Variants in UBR1 observed in about 807,000 individuals in gnomAD.
UBR1 encodes E3 ubiquitin-protein ligase UBR1.
Under a neutral mutation model 242.1 loss-of-function variants are expected in UBR1, and 102 were observed. The ratio of observed to expected loss-of-function variants is 0.42; its 90% CI spans 0.36 to 0.50. The LOEUF (loss-of-function observed/expected upper bound fraction) is 0.50. Among genes scored for constraint, UBR1 ranks in the 20% least tolerant of loss-of-function variants. The pLI is 0.01. For synonymous variants in UBR1, 675 were observed against 684.8 expected (o/e 0.99, Z 0.22); for missense variants, 1,772 against 2,101.8 (o/e 0.84, Z 3.07).
At chr15:42,991,148 T>C (rs8031245) in intron 33 of UBR1, among the ~76,000 whole-genome samples, 151,819 of 151,826 alleles carry the variant, frequency 1, 75,906 homozygotes, top group Middle Eastern at 1. Flanking sequence ...TGGTGGCGGG[T>C]GCCTGTAATC....
intron 6 of UBR1, among the ~76,000 whole-genome samples, chr15:43,063,300 G>C (rs1460124693): frequency 1.3e-5 from 2 of 152,126 alleles, no homozygotes; most frequent in African/African-American, 4.8e-5. Flanking sequence ...AGATCTTTCC[G>C]TTCCATATGA....
At chr15:43,031,492 C>T (rs2141311904) in intron 20 of UBR1, among the ~76,000 whole-genome samples, 1 of 152,298 alleles carries the variant, frequency 6.6e-6, no homozygotes, top group Non-Finnish European at 1.5e-5. Flanking sequence ...CCATCTGTTT[C>T]TAACTGGCAT....
At chr15:43,093,936 T>C (rs1328987706) in intron 1 of UBR1, among the ~76,000 whole-genome samples, 1 of 151,964 alleles carries the variant, frequency 6.6e-6, no homozygotes, top group Non-Finnish European at 1.5e-5. Context: ...TGAAGATAAC[T>C]ATTACGTCTC....
At position 43,015,288 on chromosome 15, in the gene UBR1, T is replaced by C. The variant is rs545400946; in HGVS notation, c.3209+400A>G. Among the ~76,000 whole-genome samples the C allele has an allele frequency of 1.7e-4, 26 of 152,294 alleles. No homozygotes were observed. The East Asian group carries it at 4.0e-3, about 24-fold the overall frequency. ...TAGACATGGGAGACTTTTCATTTTG[T>C]TCTGTACTAAGAAAAATTCTTCTGC... On this transcript the variant is annotated intron_variant, in intron 29 of 46. Transcript: ENST00000290650.
chr15:43,086,007 A>T lies in UBR1; in HGVS notation c.315T>A (p.Ser105Arg). 6.2e-7 allele frequency: 1 copy of T among 1,613,830 alleles called. No individual in the cohort carries two copies. The highest frequency in any genetic ancestry group is 8.5e-7 in the Non-Finnish European group (1 of 1,179,972). The change falls in exon 2 of 47, where the codon AGT becomes AGA. Residue 105 changes from serine to arginine, a missense_variant. This residue lies in a region of UBR1 where 734 missense variants were observed against 893.3 expected (regional missense o/e 0.82). Transcript: ENST00000290650. ...AFQLCGRVFKSGETTYSCRDC... is the reference protein window; with the variant it reads ...AFQLCGRVFKRGETTYSCRDC... Reference sequence around the variant, plus strand: ...ACCTGCAAGAATAGGTTGTCTCTCCACTTTTGAAAACCCTCCCACAAAGCT... The same window carrying T: ...ACCTGCAAGAATAGGTTGTCTCTCCTCTTTTGAAAACCCTCCCACAAAGCT...
At chr15:43,075,233 C>A in intron 3 of UBR1, 144 bp from the exon 4 acceptor site, 1 of 758,548 alleles carries the variant, frequency 1.3e-6, no homozygotes, top group Non-Finnish European at 2.3e-6. Flanking sequence ...GTAACAAAAA[C>A]CATTTTCGAT....
chr15:42,950,439 A>AT, intron 45 of UBR1, 76 bp from the exon 46 acceptor site: 1 of 1,306,766 alleles, frequency 7.7e-7, no homozygotes, highest in Non-Finnish European at 1.1e-6. Flanking sequence ...ATGTTAACCT[A>AT]GAGAAAAGAC....
chr15:43,102,524 G>A (rs993073457), intron 1 of UBR1, among the ~76,000 whole-genome samples: 2 of 152,204 alleles, frequency 1.3e-5, no homozygotes, highest in Non-Finnish European at 2.9e-5. Flanking sequence ...CAATAGAAAA[G>A]AGCTGAGTAT....
chr15:42,988,950 C>T lies in UBR1; in HGVS notation c.3866G>A (p.Ser1289Asn), dbSNP rs564247521. Residue 1289 changes from serine (S) to asparagine (N), a missense_variant, in exon 35 of 47, where the codon AGC becomes AAC. Transcript: ENST00000290650. The stretch of plus-strand genomic sequence containing the variant: ...AAAGAGAATAACCATTTCCTTGATG[C>T]TATTTGAATATTTAATCCTATAAAT... ...GVESSIKYSN[S>N]IKEMVILFAT... 6 of 1,603,482 alleles carry T rather than the reference C, an allele frequency of 3.7e-6. No homozygotes were observed. In the African/African-American group the frequency reaches 4.0e-5, roughly 11 times the overall value.
At chr15:43,067,748 A>G (rs1941254925) in intron 6 of UBR1, 150 bp downstream of exon 6, 3 of 687,904 alleles carry the variant, frequency 4.4e-6, no homozygotes, top group Non-Finnish European at 7.2e-6. Context: ...TACACACAAA[A>G]CTGAAGTTCT....
intron 3 of UBR1, among the ~76,000 whole-genome samples, chr15:43,081,392 G>A (rs1291201849): frequency 7.2e-6 from 1 of 138,026 alleles, no homozygotes; most frequent in African/African-American, 2.7e-5. Flanking sequence ...ACTCTAGCCT[G>A]GGAAATAACA....
In UBR1 at chr15:43,068,088, GTAAAAAAAAA is replaced by G. The variant is rs749800626; in HGVS notation, c.660-62_660-53del. The G allele has an allele frequency of 8.6e-6, 5 of 579,718 alleles. No individual in the cohort carries two copies. In the Admixed American group the frequency reaches 2.3e-4, roughly 27 times the overall value. The allele number at this position is 579,718 out of a possible 1,614,324, so 35.9% of individuals were successfully genotyped here. A position where few individuals can be genotyped will look rare whatever the true frequency, so the allele number is the denominator to read the frequency against. ...GGATACTACAACAAATAAAGGAAAA[GTAAAAAAAAA>G]AAAAAAAAAGACAAAATTAATACAT... On this transcript the variant is annotated intron_variant, in intron 5 of 46. Coordinates refer to ENST00000290650, the MANE Select transcript of UBR1 (RefSeq NM_174916.3).
intron 39 of UBR1, among the ~76,000 whole-genome samples, chr15:42,972,273 T>G (rs2032219404): frequency 6.6e-6 from 1 of 152,236 alleles, no homozygotes; most frequent in Non-Finnish European, 1.5e-5. Flanking sequence ...TGGATTTGTA[T>G]AGTATACAAC....
At chr15:43,093,630 A>T (rs1441071116) in intron 1 of UBR1, among the ~76,000 whole-genome samples, 1 of 151,882 alleles carries the variant, frequency 6.6e-6, no homozygotes, top group African/African-American at 2.4e-5. Flanking sequence ...AAAAACACAA[A>T]AATTAGCTGG....
intron 1 of UBR1, among the ~76,000 whole-genome samples, chr15:43,092,843 C>T (rs554209793): frequency 3.3e-5 from 5 of 152,152 alleles, no homozygotes; most frequent in African/African-American, 7.2e-5. Context: ...TGAGCCACCG[C>T]GCCCAGCCTA....
chr15:42,949,714 A>C (rs2031797293), intron 46 of UBR1, among the ~76,000 whole-genome samples: 1 of 151,502 alleles, frequency 6.6e-6, no homozygotes. Context: ...TGGGAGATTC[A>C]CTTGAACCCA....
intron 37 of UBR1, among the ~76,000 whole-genome samples, chr15:42,982,189 T>C (rs899833782): frequency 6.6e-6 from 1 of 152,204 alleles, no homozygotes; most frequent in South Asian, 2.1e-4. Flanking sequence ...GTTTTAAACA[T>C]TGTAAATCCC....
chr15:43,061,723 T>TTA (rs1450537346), intron 6 of UBR1, among the ~76,000 whole-genome samples: 1 of 151,756 alleles, frequency 6.6e-6, no homozygotes, highest in Non-Finnish European at 1.5e-5. Flanking sequence ...AAAACAAACA[T>TTA]TATATGTTCT....
intron 1 of UBR1, among the ~76,000 whole-genome samples, chr15:43,104,945 C>A (rs1234125273): frequency 6.6e-6 from 1 of 152,090 alleles, no homozygotes; most frequent in Admixed American, 6.5e-5. Context: ...ATTTGCAGTT[C>A]AATTCCTGAA....
Sources: allele counts gnomAD v4.1 joint callset (sites outside exome capture counted in the v4.1 genomes callset), GRCh38; gene constraint gnomAD v4.1.1; regional missense constraint gnomAD v4.1.1; transcripts MANE v1.5; gene names NCBI Gene and HGNC (gene_info 2026-07-23, HGNC 2026-07-21).